MBNL2: variants seen among roughly 807,000 people sequenced by gnomAD.
MBNL2 encodes the protein muscleblind-like protein 2.
MBNL2 carries 17 observed loss-of-function variants against 41.9 expected under a neutral mutation model. That is an observed-to-expected ratio of 0.41 (90% CI 0.28 to 0.61). MBNL2 has a LOEUF of 0.61. Among genes scored for constraint, MBNL2 ranks in the 20% least tolerant of loss-of-function variants. The probability of loss-of-function intolerance (pLI) is 0.35; values close to 1 mark genes in which losing one functional copy is unlikely to be tolerated. For synonymous variants in MBNL2, 195 were observed against 182.9 expected (o/e 1.07, Z -0.53); for missense variants, 336 against 505.6 (o/e 0.66, Z 3.22).
chr13:97,199,094 G>A, the MBNL2 span, among the ~76,000 whole-genome samples: 5 of 152,052 alleles, frequency 3.3e-5, no homozygotes, highest in Non-Finnish European at 2.9e-5. Context: ...CCTTGGCCAA[G>A]AGTGCTGGTC....
At chr13:97,241,538 T>C (rs1278743937) in intron 1 of MBNL2, among the ~76,000 whole-genome samples, 1 of 152,222 alleles carries the variant, frequency 6.6e-6, no homozygotes, top group Non-Finnish European at 1.5e-5. Flanking sequence ...TTGTGAATCA[T>C]TTTCAAAAGG....
At chr13:97,267,120 T>A (rs1407063073) in intron 1 of MBNL2, among the ~76,000 whole-genome samples, 1 of 152,180 alleles carries the variant, frequency 6.6e-6, no homozygotes, top group South Asian at 2.1e-4. Flanking sequence ...TAGAAAGCAA[T>A]GGCACGGAGG....
At position 97,229,431 on chromosome 13, in the gene MBNL2, A is replaced by G. The variant is rs144810524; in HGVS notation, c.-605+6900A>G. 9.9e-4 allele frequency among the ~76,000 whole-genome samples: 151 copies of G among 152,238 alleles called. 1 individual carries two copies. The highest frequency in any genetic ancestry group is 3.3e-3 in the African/African-American group (135 of 41,524). ...TGAACTTCCATCTTATATATTATTT[A>G]GCTCATCCTTTAAAAATGTCAGTTT... On this transcript the variant is annotated intron_variant, in intron 1 of 8. Coordinates refer to ENST00000679496, the MANE Select transcript of MBNL2 (RefSeq NM_001382683.1).
chr13:97,183,614 C>T, the MBNL2 span, among the ~76,000 whole-genome samples: 1 of 152,204 alleles, frequency 6.6e-6, no homozygotes, highest in Non-Finnish European at 1.5e-5. Context: ...TACAGTTTGA[C>T]AATTTTACGC....
Position 97,258,666 on chromosome 13 carries a change from G to A in MBNL2, c.-604-16966G>A, listed in dbSNP as rs180917761. ...CCTTCTGAGGTCTTCTGAACCCTTG[G>A]ATCCTCCAAGCCACATATCCCATAT... On this transcript the variant is annotated intron_variant, in intron 1 of 8. Coordinates refer to ENST00000679496, the MANE Select transcript of MBNL2 (RefSeq NM_001382683.1). Among the ~76,000 whole-genome samples the A allele has an allele frequency of 2.2e-3, 337 of 152,270 alleles. 6 individuals are homozygous for A. Among genetic ancestry groups the A allele is most frequent in the Admixed American group, 0.011 (169 of 15,294 alleles).
rs74106926 is a variant in MBNL2 at position 97,335,286 on chromosome 13, T to C, written c.339+846T>C. On this transcript the variant is annotated intron_variant, in intron 3 of 8. Transcript: ENST00000679496. ...TGAATTATTTGTCAGAAACAAGCTC[T>C]TTTTTTTTTTTTTAAAGAAAGGCAG... Among the ~76,000 whole-genome samples, 285 of 109,544 alleles carry C rather than the reference T, an allele frequency of 2.6e-3. 1 individual carries two copies. Among genetic ancestry groups the C allele is most frequent in the African/African-American group, 8.5e-3 (264 of 30,950 alleles). 71.9% of individuals were successfully genotyped at this position (109,544 alleles called of 152,430 possible). A position where few individuals can be genotyped will look rare whatever the true frequency, so the allele number is the denominator to read the frequency against.
At chr13:97,177,671 T>C in the MBNL2 span, among the ~76,000 whole-genome samples, 3 of 152,308 alleles carry the variant, frequency 2.0e-5, no homozygotes, top group East Asian at 1.9e-4. Flanking sequence ...TGAGAAGATA[T>C]GTGTTTTTAG....
the MBNL2 span, among the ~76,000 whole-genome samples, chr13:97,142,470 C>T: frequency 6.6e-6 from 1 of 152,230 alleles, no homozygotes; most frequent in Non-Finnish European, 1.5e-5. Context: ...ACTGTGAAAA[C>T]TCGATAGTTC....
chr13:97,209,274 T>C, the MBNL2 span, among the ~76,000 whole-genome samples: 1 of 152,164 alleles, frequency 6.6e-6, no homozygotes, highest in Admixed American at 6.5e-5. Context: ...TCAAAACATG[T>C]TAATAGAGTA....
intron 8 of MBNL2, among the ~76,000 whole-genome samples, chr13:97,389,087 A>T (rs994075665): frequency 5.3e-5 from 8 of 152,136 alleles, no homozygotes; most frequent in Non-Finnish European, 1.0e-4. Context: ...GTCTTTATTC[A>T]TATAATAGCT....
the MBNL2 span, among the ~76,000 whole-genome samples, chr13:97,141,934 C>T: frequency 6.6e-6 from 1 of 152,168 alleles, no homozygotes; most frequent in African/African-American, 2.4e-5. Context: ...GTGTGATCAC[C>T]TTTTCTCCTT....
intron 3 of MBNL2, among the ~76,000 whole-genome samples, chr13:97,338,732 G>A (rs1452119138): frequency 6.6e-6 from 1 of 152,210 alleles, no homozygotes; most frequent in Non-Finnish European, 1.5e-5. Flanking sequence ...AGAACCACGA[G>A]GGACAAGTCT....
chr13:97,209,350 A>G, the MBNL2 span, among the ~76,000 whole-genome samples: 1 of 152,238 alleles, frequency 6.6e-6, no homozygotes, highest in African/African-American at 2.4e-5. Context: ...CCTAAATTTT[A>G]CACAGAATCC....
chr13:97,383,301 A>G (rs941103726), intron 8 of MBNL2, among the ~76,000 whole-genome samples: 2 of 152,200 alleles, frequency 1.3e-5, no homozygotes, highest in Non-Finnish European at 2.9e-5. Context: ...TGTGACATGG[A>G]CTCATGCAAA....
At chr13:97,267,044 T>A (rs1299771525) in intron 1 of MBNL2, among the ~76,000 whole-genome samples, 1 of 152,224 alleles carries the variant, frequency 6.6e-6, no homozygotes, top group Non-Finnish European at 1.5e-5. Context: ...TCTGAAATTT[T>A]GATCAATCTC....
chr13:97,352,532 A>T (rs772084231), intron 5 of MBNL2, among the ~76,000 whole-genome samples: 3 of 152,216 alleles, frequency 2.0e-5, no homozygotes, highest in Non-Finnish European at 4.4e-5. Context: ...GGCATGGTTC[A>T]TGGTGCCCCA....
At chr13:97,234,169 T>C (rs2042878086) in intron 1 of MBNL2, among the ~76,000 whole-genome samples, 1 of 152,208 alleles carries the variant, frequency 6.6e-6, no homozygotes, top group African/African-American at 2.4e-5. Context: ...TAGAAAATTC[T>C]TCCTCATGCT....
rs1052803233 is a variant in MBNL2, at chr13:97,279,340, G to A, written c.174+2931G>A. Among the ~76,000 whole-genome samples the A allele has an allele frequency of 3.8e-4, 58 of 152,146 alleles. 1 individual carries two copies. The highest frequency in any genetic ancestry group is 1.3e-3 in the African/African-American group (54 of 41,432). Reference sequence around the variant, plus strand: ...CTTCAGTTTTCTCTTATATAAAATCGATATAATTCCTACTTCATAAGGTTA... The same window carrying A: ...CTTCAGTTTTCTCTTATATAAAATCAATATAATTCCTACTTCATAAGGTTA... On this transcript the variant is annotated intron_variant, in intron 2 of 8. Coordinates refer to ENST00000679496, the MANE Select transcript of MBNL2 (RefSeq NM_001382683.1).
chr13:97,165,673 A>T, the MBNL2 span, among the ~76,000 whole-genome samples: 1 of 152,238 alleles, frequency 6.6e-6, no homozygotes, highest in African/African-American at 2.4e-5. Flanking sequence ...TCAACAAGTC[A>T]AACATCTGAG....
Sources: allele counts gnomAD v4.1 joint callset (sites outside exome capture counted in the v4.1 genomes callset), GRCh38; gene constraint gnomAD v4.1.1; transcripts MANE v1.5; gene names NCBI Gene and HGNC (gene_info 2026-07-23, HGNC 2026-07-21).